The following PRIM2 variants were observed in gnomAD, a reference collection of about 807,000 sequenced individuals.
PRIM2 encodes the protein DNA primase large subunit.
In PRIM2, 39 loss-of-function variants were observed where a neutral mutation model predicts 67.3. That is an observed-to-expected ratio of 0.58 (90% CI 0.45 to 0.76). PRIM2 has a LOEUF of 0.76. Among genes scored for constraint, PRIM2 ranks in the 30% least tolerant of loss-of-function variants. The probability of loss-of-function intolerance (pLI) is 0.00; values close to 1 mark genes in which losing one functional copy is unlikely to be tolerated. For missense variants in PRIM2, 398 were observed against 598.7 expected (o/e 0.66, Z 3.50); for synonymous variants, 143 against 198.7 (o/e 0.72, Z 2.36).
At chr6:57,379,026 A>G (rs180814396) in intron 5 of PRIM2, among the ~76,000 whole-genome samples, 2 of 130,670 alleles carry the variant, frequency 1.5e-5, no homozygotes, top group Non-Finnish European at 1.6e-5. Context: ...TAAAATAGTT[A>G]CAATCTGCAT....
At chr6:57,486,779 G>T (rs1167527812) in intron 7 of PRIM2, among the ~76,000 whole-genome samples, 2 of 152,330 alleles carry the variant, frequency 1.3e-5, no homozygotes, top group Non-Finnish European at 2.9e-5. Flanking sequence ...GAATTATTGT[G>T]TAACAACTTG....
At chr6:57,558,691 ATGG>A (rs1775567575) in intron 10 of PRIM2, among the ~76,000 whole-genome samples, 1 of 152,134 alleles carries the variant, frequency 6.6e-6, no homozygotes, top group Non-Finnish European at 1.5e-5. Context: ...GAAAATATAT[ATGG>A]CAGTTCCTTG....
At chr6:57,300,343 A>G in the PRIM2 span, among the ~76,000 whole-genome samples, 1 of 152,148 alleles carries the variant, frequency 6.6e-6, no homozygotes, top group East Asian at 1.9e-4. Context: ...TCTGCATGAG[A>G]GCAGATCTAG....
chr6:57,225,428 T>C, the PRIM2 span, among the ~76,000 whole-genome samples: 3 of 152,216 alleles, frequency 2.0e-5, no homozygotes, highest in Non-Finnish European at 4.4e-5. Flanking sequence ...AATGAAAGCC[T>C]GCATGGAAAC....
At chr6:57,298,973 A>T in the PRIM2 span, among the ~76,000 whole-genome samples, 1 of 151,970 alleles carries the variant, frequency 6.6e-6, no homozygotes, top group African/African-American at 2.4e-5. Flanking sequence ...CTAGGATTCA[A>T]ATCTAAAGGC....
At chr6:57,280,824 T>TA in the PRIM2 span, among the ~76,000 whole-genome samples, 4 of 151,834 alleles carry the variant, frequency 2.6e-5, no homozygotes, top group South Asian at 2.1e-4. Context: ...TCTTTTTTTT[T>TA]AAAAAAAATT....
At chr6:57,493,117 G>C (rs1296074068) in intron 7 of PRIM2, among the ~76,000 whole-genome samples, 2 of 152,108 alleles carry the variant, frequency 1.3e-5, no homozygotes, top group African/African-American at 4.8e-5. Context: ...ACTTAACATG[G>C]ACAAAACTGA....
At chr6:57,328,342 G>A (rs1309132961) in intron 5 of PRIM2, among the ~76,000 whole-genome samples, 3 of 152,018 alleles carry the variant, frequency 2.0e-5, no homozygotes, top group Non-Finnish European at 4.4e-5. Flanking sequence ...ACCCATTTAT[G>A]GTCATTCCCT....
chr6:57,395,987 T>G (rs1297022607), intron 7 of PRIM2, among the ~76,000 whole-genome samples: 1 of 152,248 alleles, frequency 6.6e-6, no homozygotes, highest in Admixed American at 6.5e-5. Context: ...TGGAGTTGAT[T>G]TCCAGTTATA....
At chr6:57,258,438 T>C in the PRIM2 span, among the ~76,000 whole-genome samples, 5 of 152,292 alleles carry the variant, frequency 3.3e-5, no homozygotes, top group East Asian at 7.7e-4. Flanking sequence ...TTCTGCACTT[T>C]GTTTTTCCTT....
chr6:57,617,821 A>G (rs1776782366), intron 12 of PRIM2, among the ~76,000 whole-genome samples: 1 of 152,192 alleles, frequency 6.6e-6, no homozygotes, highest in African/African-American at 2.4e-5. Context: ...GTCAAATTCA[A>G]GGTTGTGAAT....
At chr6:57,386,080 ATTTACT>A (rs1241336786) in intron 7 of PRIM2, among the ~76,000 whole-genome samples, 1 of 151,762 alleles carries the variant, frequency 6.6e-6, no homozygotes, top group Non-Finnish European at 1.5e-5. Flanking sequence ...ATGGATTTAG[ATTTACT>A]TTAAATGGAT....
the PRIM2 span, among the ~76,000 whole-genome samples, chr6:57,275,837 C>A: frequency 1.3e-5 from 2 of 152,116 alleles, no homozygotes; most frequent in Non-Finnish European, 2.9e-5. Flanking sequence ...TCCTTCAATC[C>A]CACCAAACGG....
chr6:57,467,735 G>T (rs1773240329), intron 7 of PRIM2, among the ~76,000 whole-genome samples: 1 of 151,866 alleles, frequency 6.6e-6, no homozygotes, highest in East Asian at 1.9e-4. Context: ...CCATTTTCAT[G>T]ATATTGATTC....
chr6:57,635,544 T>A (rs1297525619), intron 13 of PRIM2, among the ~76,000 whole-genome samples: 2,121 of 152,352 alleles, frequency 0.014, 20 homozygotes, highest in Non-Finnish European at 0.02. Flanking sequence ...ATTAATGTTT[T>A]CAGAGGTAGA....
At chr6:57,530,573 A>C (rs1774865520) in intron 8 of PRIM2, among the ~76,000 whole-genome samples, 1 of 152,142 alleles carries the variant, frequency 6.6e-6, no homozygotes, top group African/African-American at 2.4e-5. Flanking sequence ...GCCTTCACTC[A>C]ATAATCCTTC....
intron 10 of PRIM2, among the ~76,000 whole-genome samples, chr6:57,599,709 T>A (rs1438309308): frequency 6.6e-6 from 1 of 152,240 alleles, no homozygotes; most frequent in Non-Finnish European, 1.5e-5. Flanking sequence ...CCAGCATGCA[T>A]GAAGAAGAAC....
rs577279461 is a variant in PRIM2 at position 57,426,392 on chromosome 6, C to T, written c.693+44224C>T. ...TGCTCAGCCAGGTTTCTGTGTGTGTCATTATTTGTTCTGTTTTATTTCTTT... is the reference window on the plus strand; with the variant it reads ...TGCTCAGCCAGGTTTCTGTGTGTGTTATTATTTGTTCTGTTTTATTTCTTT... On this transcript the variant is annotated intron_variant, in intron 7 of 13. Coordinates refer to ENST00000615550, the MANE Select transcript of PRIM2 (RefSeq NM_000947.5). 3.9e-5 allele frequency among the ~76,000 whole-genome samples: 6 copies of T among 152,268 alleles called. No individual in the cohort carries two copies. In the South Asian group the frequency reaches 1.2e-3, roughly 32 times the overall value.
At chr6:57,275,319 C>T in the PRIM2 span, among the ~76,000 whole-genome samples, 1 of 152,030 alleles carries the variant, frequency 6.6e-6, no homozygotes, top group African/African-American at 2.4e-5. Flanking sequence ...AACCCTGTCT[C>T]TACTAAAAAT....
Sources: allele counts gnomAD v4.1 joint callset (sites outside exome capture counted in the v4.1 genomes callset), GRCh38; gene constraint gnomAD v4.1.1; transcripts MANE v1.5; gene names NCBI Gene and HGNC (gene_info 2026-07-23, HGNC 2026-07-21).